Variants in GMDS observed in about 807,000 individuals in gnomAD.
GMDS encodes GDP-mannose 4,6 dehydratase.
GMDS carries 20 observed loss-of-function variants against 49.9 expected under a neutral mutation model. The observed-to-expected ratio is 0.40, with a 90% confidence interval of 0.28 to 0.58. GMDS has a LOEUF of 0.58. Ranked by LOEUF, GMDS falls within the 20% of genes least tolerant of loss-of-function variation. GMDS has a pLI of 0.42. For synonymous variants in GMDS, 177 were observed against 178.6 expected (o/e 0.99, Z 0.07); for missense variants, 362 against 481.4 (o/e 0.75, Z 2.32).
At chr6:1,784,346 C>A (rs1348614042) in intron 7 of GMDS, among the ~76,000 whole-genome samples, 4 of 137,814 alleles carry the variant, frequency 2.9e-5, no homozygotes, top group African/African-American at 1.1e-4. Context: ...GAGCCAAGAT[C>A]ACGCCACTGC....
chr6:1,820,119 CTT>C (rs777116285), intron 7 of GMDS, among the ~76,000 whole-genome samples: 26 of 151,950 alleles, frequency 1.7e-4, no homozygotes, highest in African/African-American at 2.9e-4. Context: ...ATATTTCTGA[CTT>C]AGCATTAATG....
At chr6:2,135,887 G>A (rs952298306) in intron 1 of GMDS, among the ~76,000 whole-genome samples, 22 of 151,980 alleles carry the variant, frequency 1.4e-4, no homozygotes, top group Admixed American at 1.2e-3. Context: ...AAAATCCAAC[G>A]CAGTCAATGA....
At chr6:1,688,278 A>T (rs757290673) in intron 9 of GMDS, among the ~76,000 whole-genome samples, 1 of 152,240 alleles carries the variant, frequency 6.6e-6, no homozygotes, top group Admixed American at 6.5e-5. Context: ...AGTGTCAAGC[A>T]TATTTTCTCT....
intron 7 of GMDS, among the ~76,000 whole-genome samples, chr6:1,743,171 G>T (rs1364016506): frequency 6.6e-6 from 1 of 152,152 alleles, no homozygotes; most frequent in Non-Finnish European, 1.5e-5. Context: ...TTATAAAAAA[G>T]CTGTCTGAGA....
chr6:1,992,936 T>TC (rs1253820695), intron 4 of GMDS, among the ~76,000 whole-genome samples: 2 of 152,142 alleles, frequency 1.3e-5, no homozygotes, highest in East Asian at 3.9e-4. Context: ...CCCCTGCACT[T>TC]CCCACAAAAA....
At chr6:1,645,833 T>C (rs964754545) in intron 9 of GMDS, among the ~76,000 whole-genome samples, 3 of 152,202 alleles carry the variant, frequency 2.0e-5, no homozygotes, top group African/African-American at 7.2e-5. Context: ...GCAACTTCGC[T>C]TCTCTCTAGC....
chr6:1,740,623 A>C (rs545054138), intron 8 of GMDS, among the ~76,000 whole-genome samples: 4 of 152,178 alleles, frequency 2.6e-5, no homozygotes, highest in East Asian at 3.9e-4. Flanking sequence ...GTATAAAAAA[A>C]CCCTCAATTC....
chr6:1,747,308 T>A (rs1226292597), intron 7 of GMDS, among the ~76,000 whole-genome samples: 1 of 152,182 alleles, frequency 6.6e-6, no homozygotes, highest in African/African-American at 2.4e-5. Context: ...CAGTTCAGTA[T>A]CCAAGCCACA....
chr6:2,195,778 T>C (rs1376517732), intron 1 of GMDS, among the ~76,000 whole-genome samples: 1 of 151,324 alleles, frequency 6.6e-6, no homozygotes, highest in Admixed American at 6.6e-5. Flanking sequence ...TACCAGGAGT[T>C]TGAAACCACC....
intron 4 of GMDS, among the ~76,000 whole-genome samples, chr6:2,028,770 C>T (rs1038591878): frequency 6.6e-5 from 10 of 152,132 alleles, no homozygotes; most frequent in African/African-American, 1.7e-4. Context: ...ATAAACAAAA[C>T]GACAAGTAAT....
intron 1 of GMDS, among the ~76,000 whole-genome samples, chr6:2,175,481 T>G (rs1312540674): frequency 2.0e-5 from 3 of 152,218 alleles, no homozygotes; most frequent in Admixed American, 2.0e-4. Flanking sequence ...CCCACTACTC[T>G]GCAGATATTC....
intron 4 of GMDS, among the ~76,000 whole-genome samples, chr6:1,992,011 C>T (rs750459207): frequency 5.6e-4 from 85 of 152,216 alleles, no homozygotes; most frequent in Non-Finnish European, 1.1e-3. Context: ...GAAGGAGTCC[C>T]CCACCTGCTT....
chr6:1,669,563 C>G (rs1764347042), intron 9 of GMDS, among the ~76,000 whole-genome samples: 1 of 152,194 alleles, frequency 6.6e-6, no homozygotes, highest in Non-Finnish European at 1.5e-5. Flanking sequence ...TCGTCATGTG[C>G]TGAGCACTTC....
intron 4 of GMDS, among the ~76,000 whole-genome samples, chr6:2,013,590 C>T (rs930221417): frequency 2.0e-5 from 3 of 151,532 alleles, no homozygotes; most frequent in Admixed American, 6.6e-5. Context: ...ATGCGTAATG[C>T]AAGAAAAGAG....
At chr6:1,685,714 A>G (rs888713950) in intron 9 of GMDS, among the ~76,000 whole-genome samples, 2 of 152,166 alleles carry the variant, frequency 1.3e-5, no homozygotes, top group African/African-American at 2.4e-5. Flanking sequence ...GAACGTGGCC[A>G]TAACATTTAC....
At position 1,681,525 on chromosome 6, in the gene GMDS, G is replaced by A. The variant is rs992027107; in HGVS notation, c.987+44891C>T. ...TGGCTCCAGGTGAGGAGGACCAGGCGGTAGACCCAGGCGCACAGTGGGAAC... is the reference window on the plus strand; with the variant it reads ...TGGCTCCAGGTGAGGAGGACCAGGCAGTAGACCCAGGCGCACAGTGGGAAC... On this transcript the variant is annotated intron_variant, in intron 9 of 10. Transcript: ENST00000380815. Among the ~76,000 whole-genome samples the A allele has an allele frequency of 5.3e-5, 8 of 152,148 alleles. 1 individual carries two copies. Among genetic ancestry groups the A allele is most frequent in the Non-Finnish European group, 1.0e-4 (7 of 68,046 alleles).
intron 4 of GMDS, among the ~76,000 whole-genome samples, chr6:2,015,160 T>G (rs181293380): frequency 1.3e-3 from 198 of 152,030 alleles, no homozygotes; most frequent in African/African-American, 4.6e-3. Flanking sequence ...TGGCAGAAAA[T>G]CAGCAAGGAC....
intron 6 of GMDS, among the ~76,000 whole-genome samples, chr6:1,939,008 TTC>T (rs143318093): frequency 1.5e-5 from 2 of 132,838 alleles, no homozygotes; most frequent in African/African-American, 2.7e-5. Context: ...TCCTCTTCTC[TTC>T]TCTCTCTCTC....
chr6:1,820,186 G>A (rs1372706682), intron 7 of GMDS, among the ~76,000 whole-genome samples: 2 of 152,080 alleles, frequency 1.3e-5, no homozygotes, highest in African/African-American at 2.4e-5. Flanking sequence ...TAGGGGAAAA[G>A]TACTTAGGGT....
Sources: allele counts gnomAD v4.1 joint callset (sites outside exome capture counted in the v4.1 genomes callset), GRCh38; gene constraint gnomAD v4.1.1; transcripts MANE v1.5; gene names NCBI Gene and HGNC (gene_info 2026-07-23, HGNC 2026-07-21).